Variants in RBFOX1 observed in about 807,000 individuals in gnomAD.
The protein encoded by RBFOX1 is RNA binding protein fox-1 homolog 1.
A neutral mutation model predicts 57.7 loss-of-function variants in RBFOX1; 8 were observed. The ratio of observed to expected loss-of-function variants is 0.14; its 90% confidence interval spans 0.08 to 0.25. The LOEUF is 0.25. Ranked by LOEUF, RBFOX1 falls within the 10% of genes least tolerant of loss-of-function variation. The pLI, the probability that RBFOX1 is intolerant of heterozygous loss-of-function variation, is 1.00. For missense variants in RBFOX1, 611 were observed against 548.5 expected (o/e 1.11, Z -1.14); for synonymous variants, 326 against 222.4 (o/e 1.47, Z -4.15).
At chr16:6,149,506 T>G (rs758584287) in intron 1 of RBFOX1, among the ~76,000 whole-genome samples, 4 of 152,200 alleles carry the variant, frequency 2.6e-5, no homozygotes, top group Non-Finnish European at 5.9e-5. Flanking sequence ...GCATTTTCAT[T>G]TTTACATAAG....
chr16:7,701,424 C>G (rs1204502543), intron 14 of RBFOX1, among the ~76,000 whole-genome samples: 1 of 152,162 alleles, frequency 6.6e-6, no homozygotes, highest in Non-Finnish European at 1.5e-5. Context: ...AGCACCAACC[C>G]TACTGTAAAC....
intron 4 of RBFOX1, among the ~76,000 whole-genome samples, chr16:7,140,150 TTCTCTCCCTCTCTCTCTCTC>T (rs1011249294): frequency 1.9e-5 from 1 of 52,586 alleles, no homozygotes; most frequent in African/African-American, 8.4e-5. Flanking sequence ...TATTCTCTCC[TTCTCTCCCTCTCTCTCTCTC>T]TCTCTCTCTC....
chr16:6,070,248 C>A (rs911939952), intron 1 of RBFOX1, among the ~76,000 whole-genome samples: 18 of 152,146 alleles, frequency 1.2e-4, no homozygotes, highest in Admixed American at 5.9e-4. Context: ...TATGTGGCTC[C>A]CCCAAAGTAT....
intron 3 of RBFOX1, among the ~76,000 whole-genome samples, chr16:6,912,773 A>G (rs2072015844): frequency 1.3e-5 from 2 of 151,516 alleles, no homozygotes; most frequent in South Asian, 4.2e-4. Flanking sequence ...ACATGCCACC[A>G]CACGTGCCCG....
chr16:6,379,151 A>G (rs1293830971), intron 2 of RBFOX1, among the ~76,000 whole-genome samples: 2 of 152,064 alleles, frequency 1.3e-5, no homozygotes, highest in African/African-American at 4.8e-5. Context: ...TTTGAGAAGA[A>G]AGATGCTGTG....
chr16:7,698,543 C>G (rs1048000205), intron 14 of RBFOX1, among the ~76,000 whole-genome samples: 3 of 152,096 alleles, frequency 2.0e-5, no homozygotes, highest in African/African-American at 7.2e-5. Context: ...ACACATGCTG[C>G]CAGCTACATT....
intron 4 of RBFOX1, among the ~76,000 whole-genome samples, chr16:7,104,936 T>C (rs1262588203): frequency 6.7e-6 from 1 of 149,340 alleles, no homozygotes; most frequent in East Asian, 1.9e-4. Context: ...GAAATCTCTG[T>C]GCTTGTGTGT....
chr16:5,627,795 T>G (rs2048388195), intron 3 of RBFOX1, among the ~76,000 whole-genome samples: 1 of 152,230 alleles, frequency 6.6e-6, no homozygotes, highest in Non-Finnish European at 1.5e-5. Context: ...AAAGATGATT[T>G]AAACTATACA....
At chr16:5,381,781 C>T (rs537397521) in intron 1 of RBFOX1, among the ~76,000 whole-genome samples, 3 of 152,320 alleles carry the variant, frequency 2.0e-5, no homozygotes, top group South Asian at 2.1e-4. Context: ...TCCTGGGATG[C>T]CCCCTTATTT....
chr16:6,947,979 A>T (rs918754760), intron 3 of RBFOX1, among the ~76,000 whole-genome samples: 1 of 151,920 alleles, frequency 6.6e-6, no homozygotes, highest in African/African-American at 2.4e-5. Context: ...GGCTCTTATC[A>T]CGTTTGCCAG....
chr16:7,313,097 T>A (rs1568160513), intron 4 of RBFOX1, among the ~76,000 whole-genome samples: 1 of 152,126 alleles, frequency 6.6e-6, no homozygotes, highest in Admixed American at 6.5e-5. Flanking sequence ...GACTCGTACT[T>A]CCACATCACT....
At chr16:6,452,032 C>T (rs780992287) in intron 2 of RBFOX1, among the ~76,000 whole-genome samples, 1 of 150,686 alleles carries the variant, frequency 6.6e-6, no homozygotes, top group Non-Finnish European at 1.5e-5. Flanking sequence ...CCATCCATGG[C>T]TCCTTCCTTC....
At chr16:6,573,733 CG>C (rs2097378746) in intron 2 of RBFOX1, 1 of 152,222 alleles carries the variant, frequency 6.6e-6, no homozygotes, top group South Asian at 2.1e-4. Context: ...AGAGAAGGCA[CG>C]GGCGCGAAGC....
intron 2 of RBFOX1, among the ~76,000 whole-genome samples, chr16:5,526,602 G>A (rs2015943): frequency 0.37 from 55,917 of 151,950 alleles, 11,744 homozygotes; most frequent in East Asian, 0.85. Context: ...ACTCCCTTTT[G>A]TGATGCTCAG....
chr16:5,778,316 T>C (rs924760620), intron 3 of RBFOX1, among the ~76,000 whole-genome samples: 35 of 152,128 alleles, frequency 2.3e-4, no homozygotes, highest in Admixed American at 1.4e-3. Context: ...TTCCATGATC[T>C]CATCTGATTT....
At chr16:6,025,167 C>T (rs951259099) in intron 1 of RBFOX1, among the ~76,000 whole-genome samples, 1 of 152,208 alleles carries the variant, frequency 6.6e-6, no homozygotes, top group African/African-American at 2.4e-5. Flanking sequence ...AGTGAATAAA[C>T]AAGCATGCCT....
intron 3 of RBFOX1, among the ~76,000 whole-genome samples, chr16:6,775,541 G>C (rs559936451): frequency 6.6e-6 from 1 of 152,212 alleles, no homozygotes; most frequent in Admixed American, 6.5e-5. Context: ...AACCAGTTAT[G>C]TCAGTCCATC....
intron 1 of RBFOX1, among the ~76,000 whole-genome samples, chr16:6,040,995 C>T (rs1172238176): frequency 2.6e-5 from 4 of 152,114 alleles, no homozygotes; most frequent in African/African-American, 9.7e-5. Context: ...CGTGTTTTAG[C>T]TATTATGACA....
At chr16:5,312,566 C>T (rs1273487561) in intron 1 of RBFOX1, among the ~76,000 whole-genome samples, 1 of 152,180 alleles carries the variant, frequency 6.6e-6, no homozygotes, top group Non-Finnish European at 1.5e-5. Flanking sequence ...CCACCTGCCT[C>T]AGCCTCCCAA....
Sources: allele counts gnomAD v4.1 joint callset (sites outside exome capture counted in the v4.1 genomes callset), GRCh38; gene constraint gnomAD v4.1.1; transcripts MANE v1.5; gene names NCBI Gene and HGNC (gene_info 2026-07-23, HGNC 2026-07-21).